Variants in EPHA4 observed in about 807,000 individuals in gnomAD.
The protein encoded by EPHA4 is EPH receptor A4.
In EPHA4, 19 loss-of-function variants were observed where a neutral mutation model predicts 108.3. The ratio of observed to expected loss-of-function variants is 0.18; its 90% CI spans 0.12 to 0.26. The LOEUF is 0.26. Ranked by LOEUF, EPHA4 falls within the 10% of genes least tolerant of loss-of-function variation. EPHA4 has a pLI of 1.00. For missense variants in EPHA4, 917 were observed against 1,254.0 expected (o/e 0.73, Z 4.06); for synonymous variants, 449 against 455.5 (o/e 0.99, Z 0.18).
At chr2:221,513,395 T>C (rs995932745) in intron 3 of EPHA4, among the ~76,000 whole-genome samples, 7 of 152,208 alleles carry the variant, frequency 4.6e-5, no homozygotes, top group Non-Finnish European at 8.8e-5. Context: ...GCAGCATTGC[T>C]AGTCATTGTC....
intron 5 of EPHA4, among the ~76,000 whole-genome samples, chr2:221,463,911 A>G (rs975905052): frequency 3.3e-5 from 5 of 152,178 alleles, no homozygotes; most frequent in Non-Finnish European, 5.9e-5. Context: ...TTTGGGGGGA[A>G]CTTTGGAGGA....
intron 3 of EPHA4, among the ~76,000 whole-genome samples, chr2:221,562,140 G>C (rs13390661): frequency 0.012 from 1,749 of 151,738 alleles, 39 homozygotes; most frequent in African/African-American, 0.04. Context: ...ACCAAAAATC[G>C]AGGCCTTAAT....
Position 221,564,031 on chromosome 2 carries a change from G to A in EPHA4, c.523C>T (p.Pro175Ser). The change falls in exon 3 of 18, where the codon CCA becomes TCA. Residue 175 changes from proline (P) to serine (S), a missense_variant. Pro to Ser is a moderately conservative substitution (Grantham distance 74). Transcript: ENST00000281821. ...KLNTEIRDVGPLSKKGFYLAF... is the reference protein window; with the variant it reads ...KLNTEIRDVGSLSKKGFYLAF... Reference sequence around the variant, plus strand: ...AGGTAAAACCCCTTTTTGCTTAATGGCCCTACATCCCGGATCTCGGTGTTC... The same window carrying A: ...AGGTAAAACCCCTTTTTGCTTAATGACCCTACATCCCGGATCTCGGTGTTC... The A allele has an allele frequency of 1.2e-6, 2 of 1,613,726 alleles. No individual in the cohort carries two copies. Among genetic ancestry groups the A allele is most frequent in the Non-Finnish European group, 1.7e-6 (2 of 1,179,962 alleles).
At chr2:221,566,499 A>G (rs1350564454) in intron 2 of EPHA4, among the ~76,000 whole-genome samples, 1 of 152,098 alleles carries the variant, frequency 6.6e-6, no homozygotes, top group East Asian at 1.9e-4. Context: ...AATTAATTAA[A>G]CTTTATAACT....
chr2:221,547,105 C>T (rs1221252645), intron 3 of EPHA4, among the ~76,000 whole-genome samples: 1 of 152,170 alleles, frequency 6.6e-6, no homozygotes, highest in East Asian at 1.9e-4. Flanking sequence ...TGACAAGTAC[C>T]TCCAACAGCA....
In EPHA4 at chr2:221,563,980, T is replaced by C; in HGVS notation, c.574A>G (p.Ile192Val). Reference sequence around the variant, plus strand: ...AACACACGGACTGATACCAGGGCGATGCAGGCCCCCACATCCTGAAAAGCC... The same window carrying C: ...AACACACGGACTGATACCAGGGCGACGCAGGCCCCCACATCCTGAAAAGCC... ...YLAFQDVGAC[I>V]ALVSVRVFYK... Residue 192 changes from isoleucine to valine, a missense_variant, in exon 3 of 18, where the codon ATC (isoleucine) becomes GTC (valine). Physicochemically the swap from Ile to Val is conservative, Grantham distance 29. Transcript: ENST00000281821. 1.2e-6 allele frequency: 2 copies of C among 1,614,092 alleles called. No homozygotes were observed. Among genetic ancestry groups the C allele is most frequent in the Non-Finnish European group, 1.7e-6 (2 of 1,180,022 alleles).
intron 4 of EPHA4, among the ~76,000 whole-genome samples, chr2:221,488,844 G>A (rs1473405301): frequency 1.3e-5 from 2 of 152,114 alleles, no homozygotes; most frequent in Admixed American, 6.6e-5. Flanking sequence ...ATTTAAGAAC[G>A]GCAATATTCC....
chr2:221,464,933 C>T (rs951778974), intron 5 of EPHA4, among the ~76,000 whole-genome samples: 8 of 152,120 alleles, frequency 5.3e-5, no homozygotes, highest in Non-Finnish European at 8.8e-5. Context: ...AAACATAGAA[C>T]CAAATTCTCA....
In EPHA4 at chr2:221,433,996, G is replaced by A. The variant is rs1176286363; in HGVS notation, c.2496+146C>T. 14 of 724,996 alleles carry A rather than the reference G, an allele frequency of 1.9e-5. No homozygotes were observed. In the South Asian group the frequency reaches 2.5e-4, roughly 13 times the overall value. 44.9% of individuals were successfully genotyped at this position (724,996 alleles called of 1,614,324 possible). Reference sequence around the variant, plus strand: ...GAAATCAATAGTCATTGGTTGTAATGTTGAACTAGCTTGCTAGATATATCT... The same window carrying A: ...GAAATCAATAGTCATTGGTTGTAATATTGAACTAGCTTGCTAGATATATCT... On this transcript the variant is annotated intron_variant, in intron 14 of 17. Coordinates refer to ENST00000281821, the MANE Select transcript of EPHA4 (RefSeq NM_004438.5).
rs1244359877 is a variant in EPHA4 at position 221,419,943 on chromosome 2, GCACA to G, written c.*1425_*1428del. 6.6e-6 allele frequency: 1 copy of G among 152,612 alleles called. No individual in the cohort carries two copies. The highest frequency in any genetic ancestry group is 1.9e-4 in the East Asian group (1 of 5,186). The allele number at this position is 152,612 out of a possible 1,614,324, so 9.5% of individuals were successfully genotyped here. ...TGAGGCTACGCACATACACACACCC[GCACA>G]CAGACAGGCACGCATACAGACACAC... On this transcript the variant is annotated 3_prime_UTR_variant, in exon 18 of 18. Coordinates refer to ENST00000281821, the MANE Select transcript of EPHA4 (RefSeq NM_004438.5).
chr2:221,535,756 T>C (rs1357997436), intron 3 of EPHA4, among the ~76,000 whole-genome samples: 1 of 152,196 alleles, frequency 6.6e-6, no homozygotes, highest in Non-Finnish European at 1.5e-5. Context: ...ACATTACAAA[T>C]CTTCATATCA....
intron 3 of EPHA4, among the ~76,000 whole-genome samples, chr2:221,533,973 G>A (rs887671753): frequency 1.3e-5 from 2 of 152,078 alleles, no homozygotes; most frequent in African/African-American, 2.4e-5. Context: ...CCACATCTGC[G>A]TGACACTCCA....
chr2:221,466,598 C>G (rs539371127), intron 5 of EPHA4, among the ~76,000 whole-genome samples: 1 of 152,352 alleles, frequency 6.6e-6, no homozygotes, highest in East Asian at 1.9e-4. Flanking sequence ...CTCTATGCCA[C>G]ATGTCTGTAA....
At chr2:221,470,580 T>C (rs1691450831) in intron 5 of EPHA4, among the ~76,000 whole-genome samples, 1 of 82,980 alleles carries the variant, frequency 1.2e-5, no homozygotes, top group Non-Finnish European at 2.4e-5. Context: ...AGGGAACCTC[T>C]GCTTTTCCCT....
intron 3 of EPHA4, among the ~76,000 whole-genome samples, chr2:221,521,304 C>T (rs1221797368): frequency 6.6e-6 from 1 of 152,204 alleles, no homozygotes; most frequent in Non-Finnish European, 1.5e-5. Context: ...ACGGGAGGAT[C>T]TCATTTCCAT....
Position 221,444,998 on chromosome 2 carries a change from T to C in EPHA4, c.1774+1125A>G, listed in dbSNP as rs564754578. 2.3e-3 allele frequency among the ~76,000 whole-genome samples: 353 copies of C among 152,222 alleles called. 3 individuals are homozygous for C. The highest frequency in any genetic ancestry group is 8.3e-3 in the African/African-American group (343 of 41,546). On this transcript the variant is annotated intron_variant, in intron 9 of 17. Transcript: ENST00000281821. Reference sequence around the variant, plus strand: ...GTCTCGAACTCCAGATCTCAAGTGATCTGCCCTCCTTGGCCTCCCAAAGTG... The same window carrying C: ...GTCTCGAACTCCAGATCTCAAGTGACCTGCCCTCCTTGGCCTCCCAAAGTG...
chr2:221,520,446 T>C (rs904258259), intron 3 of EPHA4, among the ~76,000 whole-genome samples: 3 of 152,086 alleles, frequency 2.0e-5, no homozygotes, highest in Non-Finnish European at 4.4e-5. Context: ...CATATATTTA[T>C]TTACTTTATT....
chr2:221,504,981 G>C (rs1188829266), intron 3 of EPHA4, among the ~76,000 whole-genome samples: 1 of 152,080 alleles, frequency 6.6e-6, no homozygotes, highest in Non-Finnish European at 1.5e-5. Context: ...GATCTGGGCT[G>C]GTCCCAACTT....
At chr2:221,464,896 A>G (rs1691259437) in intron 5 of EPHA4, among the ~76,000 whole-genome samples, 1 of 152,218 alleles carries the variant, frequency 6.6e-6, no homozygotes, top group Admixed American at 6.5e-5. Context: ...TGAAATTGAC[A>G]TTGATTTTTC....
Sources: allele counts gnomAD v4.1 joint callset (sites outside exome capture counted in the v4.1 genomes callset), GRCh38; gene constraint gnomAD v4.1.1; transcripts MANE v1.5; gene names NCBI Gene and HGNC (gene_info 2026-07-23, HGNC 2026-07-21).